The following NXPE2 variants were observed in gnomAD, a reference collection of about 807,000 sequenced individuals.
NXPE2 encodes the protein neurexophilin and PC-esterase domain family member 2, also known as NXPE family member 2.
Under a neutral mutation model 34.4 loss-of-function variants are expected in NXPE2, and 34 were observed. The observed-to-expected ratio is 0.99, with a 90% CI of 0.75 to 1.31. The LOEUF (loss-of-function observed/expected upper bound fraction) is 1.31. Among genes scored for constraint, NXPE2 ranks in the 40% most tolerant of loss-of-function variants. The pLI is 0.00. For synonymous variants in NXPE2, 235 were observed against 231.3 expected, an observed-to-expected ratio of 1.02 and a Z score of -0.15; for missense variants, 649 against 672.5, an observed-to-expected ratio of 0.97 and a Z score of 0.39.
the NXPE2 span, among the ~76,000 whole-genome samples, chr11:114,620,200 C>A: frequency 1.3e-5 from 2 of 150,272 alleles, no homozygotes; most frequent in African/African-American, 4.9e-5. Context: ...CCGCTGGATA[C>A]TAACTTTTGC....
chr11:114,659,928 AAGAG>A, the NXPE2 span, among the ~76,000 whole-genome samples: 22 of 152,106 alleles, frequency 1.4e-4, no homozygotes, highest in Non-Finnish European at 1.5e-5. Flanking sequence ...GATGACTAAA[AAGAG>A]AGAAGGCACA....
chr11:114,652,837 G>A, the NXPE2 span, among the ~76,000 whole-genome samples: 9 of 152,278 alleles, frequency 5.9e-5, no homozygotes, highest in Admixed American at 2.6e-4. Context: ...AAAAGGCAGC[G>A]CATTCAGCTA....
At chr11:114,565,100 CTATTT>C in the NXPE2 span, among the ~76,000 whole-genome samples, 1 of 152,172 alleles carries the variant, frequency 6.6e-6, no homozygotes, top group Non-Finnish European at 1.5e-5. Context: ...CAGGATTCTC[CTATTT>C]TAAAGTTTTA....
the NXPE2 span, chr11:114,594,672 A>G: frequency 6.3e-6 from 10 of 1,593,196 alleles, no homozygotes; most frequent in African/African-American, 1.3e-4. Flanking sequence ...ACCTTTGTGG[A>G]GTTCTGGAAA....
chr11:114,806,641 A>G, the NXPE2 span, among the ~76,000 whole-genome samples: 211 of 152,320 alleles, frequency 1.4e-3, no homozygotes, highest in Non-Finnish European at 2.3e-3. Flanking sequence ...AGAGAAGTTT[A>G]GAGAAAAAAG....
chr11:114,733,744 C>A, the NXPE2 span, among the ~76,000 whole-genome samples: 1,704 of 152,260 alleles, frequency 0.011, 26 homozygotes, highest in African/African-American at 0.037. Context: ...AAATATATTT[C>A]TTTAACCACT....
At chr11:114,791,146 C>T in the NXPE2 span, among the ~76,000 whole-genome samples, 1 of 151,388 alleles carries the variant, frequency 6.6e-6, no homozygotes, top group Non-Finnish European at 1.5e-5. Flanking sequence ...ACACAGCTAA[C>T]TCTCACCAAA....
At chr11:114,522,396 C>G in the NXPE2 span, 2 of 1,613,948 alleles carry the variant, frequency 1.2e-6, no homozygotes, top group Non-Finnish European at 1.7e-6. Flanking sequence ...TGGAAAGTGA[C>G]GAAGGGATAG....
At chr11:114,489,396 CACA>C in the NXPE2 span, among the ~76,000 whole-genome samples, 8 of 152,048 alleles carry the variant, frequency 5.3e-5, no homozygotes, top group Non-Finnish European at 1.2e-4. Flanking sequence ...CTGGCAGAGA[CACA>C]ACAAAAAAAG....
rs180725109 is a variant in NXPE2 at position 114,680,198 on chromosome 11, A to T, written c.132+436A>T. On this transcript the variant is annotated intron_variant, in intron 2 of 5. Coordinates refer to ENST00000389586, the MANE Select transcript of NXPE2 (RefSeq NM_182495.6). ...GTTTTTCTTAACTCACCTTGCTTCC[A>T]GTTTCTTTTCTTCCCAACCATTTAG... is the stretch of plus-strand genomic sequence containing the variant. 1.0e-3 allele frequency among the ~76,000 whole-genome samples: 152 copies of T among 152,106 alleles called. 1 individual carries two copies. The highest frequency in any genetic ancestry group is 8.3e-3 in the Admixed American group (127 of 15,242).
chr11:114,507,288 C>G, the NXPE2 span, among the ~76,000 whole-genome samples: 15 of 148,408 alleles, frequency 1.0e-4, no homozygotes, highest in Admixed American at 2.7e-4. Flanking sequence ...CAGACAGATT[C>G]ATCGGTGAAT....
At chr11:114,603,637 A>G in the NXPE2 span, among the ~76,000 whole-genome samples, 2 of 150,920 alleles carry the variant, frequency 1.3e-5, no homozygotes, top group African/African-American at 4.9e-5. Context: ...GGTAACTCCT[A>G]TTACCTGGTG....
At chr11:114,780,312 G>C in the NXPE2 span, among the ~76,000 whole-genome samples, 1 of 152,230 alleles carries the variant, frequency 6.6e-6, no homozygotes, top group African/African-American at 2.4e-5. Context: ...GGCAGGAGCA[G>C]GTCCCCAACA....
the NXPE2 span, among the ~76,000 whole-genome samples, chr11:114,500,970 A>G: frequency 6.6e-6 from 1 of 152,108 alleles, no homozygotes; most frequent in Non-Finnish European, 1.5e-5. Context: ...CTGTTTCTAT[A>G]CTTGCAGTTT....
At chr11:114,489,264 G>A in the NXPE2 span, among the ~76,000 whole-genome samples, 5 of 152,142 alleles carry the variant, frequency 3.3e-5, no homozygotes, top group South Asian at 2.1e-4. Context: ...ATTCACAGCC[G>A]AATTCTACCA....
chr11:114,571,471 G>A, the NXPE2 span: 8 of 1,596,542 alleles, frequency 5.0e-6, no homozygotes, highest in Admixed American at 8.5e-5. Flanking sequence ...ACTGACTTCA[G>A]TGCTGATAAC....
At chr11:114,506,272 C>T in the NXPE2 span, among the ~76,000 whole-genome samples, 1 of 152,180 alleles carries the variant, frequency 6.6e-6, no homozygotes, top group East Asian at 1.9e-4. Flanking sequence ...GACTCTCATG[C>T]AATAACTGTC....
At chr11:114,571,000 C>T in the NXPE2 span, 15 of 1,612,814 alleles carry the variant, frequency 9.3e-6, no homozygotes, top group Admixed American at 1.7e-5. Flanking sequence ...GGTGGGTGTA[C>T]ATTATTTGTG....
chr11:114,597,178 A>G, the NXPE2 span, among the ~76,000 whole-genome samples: 3 of 152,230 alleles, frequency 2.0e-5, no homozygotes, highest in African/African-American at 7.2e-5. Context: ...TATTTCTTTT[A>G]AAAAGTGGTA....
Sources: gnomAD v4.1 joint callset for allele counts (sites outside exome capture counted in the v4.1 genomes callset) on GRCh38, gnomAD v4.1.1 for gene constraint, MANE v1.5 for transcripts, NCBI Gene and HGNC (gene_info 2026-07-23, HGNC 2026-07-21) for gene names.